The following DOCK4 variants were observed in gnomAD, a reference collection of about 807,000 sequenced individuals.
The protein encoded by DOCK4 is dedicator of cytokinesis 4, also known as dedicator of cytokinesis protein 4.
DOCK4 carries 97 observed loss-of-function variants against 268.1 expected under a neutral mutation model. The observed-to-expected ratio is 0.36, with a 90% CI of 0.31 to 0.43. The LOEUF (loss-of-function observed/expected upper bound fraction) is 0.43, where lower values mean the gene tolerates loss of function less well. Among genes scored for constraint, DOCK4 ranks in the 20% least tolerant of loss-of-function variants. The pLI, the probability that DOCK4 is intolerant of heterozygous loss-of-function variation, is 1.00. For synonymous variants in DOCK4, 954 were observed against 887.2 expected (o/e 1.08, Z -1.34); for missense variants, 2,145 against 2,455.7 (o/e 0.87, Z 2.67).
chr7:111,731,253 G>C (rs187532787), intron 52 of DOCK4, among the ~76,000 whole-genome samples: 3 of 152,062 alleles, frequency 2.0e-5, no homozygotes, highest in East Asian at 1.9e-4. Context: ...TCCATTTTGC[G>C]GGGGGAGGCG....
Position 111,940,044 on chromosome 7 carries a change from C to A in DOCK4, c.977+66G>T. 4 of 1,543,350 alleles carry A rather than the reference C, an allele frequency of 2.6e-6. No homozygotes were observed. The South Asian group carries it at 3.4e-5, about 13-fold the overall frequency. ...TTCTCTACCCACCTAAAGTAGCATT[C>A]GCCCAAGTAGGACCCACATGTACCC... is the stretch of plus-strand genomic sequence containing the variant. On this transcript the variant is annotated intron_variant, in intron 11 of 52. Coordinates refer to ENST00000428084, the MANE Select transcript of DOCK4 (RefSeq NM_001363540.2).
rs1193447340 is a variant in DOCK4, at chr7:111,844,817, G to A, written c.2682C>T (p.Thr894=). 1.2e-6 allele frequency: 2 copies of A among 1,613,648 alleles called. No individual in the cohort carries two copies. The highest frequency in any genetic ancestry group is 1.7e-6 in the Non-Finnish European group (2 of 1,179,728). ...CTGAGCTGGATGGCTGAGGTCGGCT[G>A]GTGATCTCCAATATGGTCCTCAGCA... ...DILLRTILEI[T]SRPQPSSSAM... The change falls in exon 25 of 53, where the codon ACC becomes ACT. Residue 894 remains threonine, a synonymous_variant. Transcript: ENST00000428084.
intron 1 of DOCK4, among the ~76,000 whole-genome samples, chr7:112,091,629 G>A (rs961287789): frequency 4.6e-5 from 7 of 152,084 alleles, no homozygotes; most frequent in African/African-American, 1.2e-4. Context: ...AGAAACGGAC[G>A]CAGAGCCCAA....
chr7:111,812,166 A>G (rs1045532366), intron 27 of DOCK4, among the ~76,000 whole-genome samples: 1 of 152,236 alleles, frequency 6.6e-6, no homozygotes, highest in African/African-American at 2.4e-5. Context: ...CTGATACACG[A>G]AAGATCTATG....
intron 30 of DOCK4, among the ~76,000 whole-genome samples, chr7:111,799,612 A>G (rs1028078026): frequency 4.6e-5 from 7 of 152,230 alleles, no homozygotes; most frequent in Non-Finnish European, 7.3e-5. Flanking sequence ...GAATGTCCTA[A>G]ACATAAATGT....
chr7:112,204,623 T>C (rs776327198), intron 1 of DOCK4, among the ~76,000 whole-genome samples: 7 of 152,136 alleles, frequency 4.6e-5, no homozygotes, highest in East Asian at 1.9e-4. Context: ...GGTCAAACTA[T>C]TGTCTTGGTA....
chr7:111,893,586 C>T (rs892989027), intron 16 of DOCK4, among the ~76,000 whole-genome samples: 6 of 152,198 alleles, frequency 3.9e-5, no homozygotes, highest in African/African-American at 1.4e-4. Flanking sequence ...TATTATATAT[C>T]TTATCGGGCA....
chr7:111,924,787 T>A (rs1397642039), intron 12 of DOCK4, among the ~76,000 whole-genome samples: 1 of 152,200 alleles, frequency 6.6e-6, no homozygotes, highest in African/African-American at 2.4e-5. Context: ...ATAATTTAAT[T>A]TAAAATCTAA....
rs1266091746 is a variant in DOCK4 at position 111,739,188 on chromosome 7, T to C, written c.5178A>G (p.Ser1726=). The change falls in exon 49 of 53, where the codon TCA becomes TCG. Residue 1726 remains serine, a synonymous_variant. Coordinates refer to ENST00000428084, the MANE Select transcript of DOCK4 (RefSeq NM_001363540.2). ...TGGCACTGCATGGTCTCTCTCTTGG[T>C]GACAGGCAAGAGTTTTCTCGGGAAT... ...HKHSRENSCL[S]PRERPCSAIY... The C allele has an allele frequency of 5.6e-6, 9 of 1,614,006 alleles. No homozygotes were observed. The highest frequency in any genetic ancestry group is 7.6e-6 in the Non-Finnish European group (9 of 1,179,878).
chr7:112,123,260 A>G (rs985730524), intron 1 of DOCK4, among the ~76,000 whole-genome samples: 1 of 152,170 alleles, frequency 6.6e-6, no homozygotes, highest in Non-Finnish European at 1.5e-5. Context: ...CAGATAAAGA[A>G]CTTTAACTTC....
At chr7:111,883,060 T>C (rs2134300290) in intron 16 of DOCK4, among the ~76,000 whole-genome samples, 1 of 152,312 alleles carries the variant, frequency 6.6e-6, no homozygotes, top group African/African-American at 2.4e-5. Flanking sequence ...CTTTTAATAT[T>C]ACAACTCCAA....
chr7:112,164,572 G>A (rs888239588), intron 1 of DOCK4, among the ~76,000 whole-genome samples: 9 of 152,060 alleles, frequency 5.9e-5, no homozygotes, highest in Admixed American at 2.0e-4. Flanking sequence ...ACACACACAC[G>A]ACTTTGTGTT....
At chr7:111,904,544 A>C (rs1321693066) in intron 13 of DOCK4, among the ~76,000 whole-genome samples, 5 of 152,100 alleles carry the variant, frequency 3.3e-5, no homozygotes, top group Non-Finnish European at 7.4e-5. Context: ...TAAGGTTCCA[A>C]AGGGCATTAG....
Position 112,170,871 on chromosome 7 carries a change from G to A in DOCK4, c.37+35231C>T, listed in dbSNP as rs567918802. On this transcript the variant is annotated intron_variant, in intron 1 of 52. Transcript: ENST00000428084. The stretch of plus-strand genomic sequence containing the variant: ...TACACTCAGAAGTAGTACCATATAT[G>A]ATAAAAAAAATTGCACTTTTAGTGC... Among the ~76,000 whole-genome samples the A allele has an allele frequency of 1.2e-3, 182 of 152,160 alleles. 4 individuals are homozygous for A. The Middle Eastern group carries it at 0.014, about 11-fold the overall frequency.
Position 111,728,063 on chromosome 7 carries a change from A to G in DOCK4, c.*211T>C. The G allele has an allele frequency of 2.4e-6, 1 of 412,750 alleles. No homozygotes were observed. The highest frequency in any genetic ancestry group is 4.2e-5 in the Admixed American group (1 of 23,628). The allele number at this position is 412,750 out of a possible 1,614,324, so 25.6% of individuals were successfully genotyped here. ...ACCACTTCCAAATGAGAAACGTTTT[A>G]ATGAAATTCAGCCATACTTCATTTA... is the stretch of plus-strand genomic sequence containing the variant. On this transcript the variant is annotated 3_prime_UTR_variant, in exon 53 of 53. Coordinates refer to ENST00000428084, the MANE Select transcript of DOCK4 (RefSeq NM_001363540.2).
intron 1 of DOCK4, among the ~76,000 whole-genome samples, chr7:112,179,088 C>T (rs1400074616): frequency 6.6e-6 from 1 of 152,148 alleles, no homozygotes; most frequent in Admixed American, 6.6e-5. Context: ...ATTTATTTCA[C>T]AGAAATAGAA....
intron 12 of DOCK4, 124 bp from the exon 13 acceptor site, chr7:111,916,028 C>T (rs953237032): frequency 2.2e-5 from 22 of 1,003,358 alleles, no homozygotes; most frequent in South Asian, 4.6e-5. Context: ...AATATTCCGA[C>T]GAAATCGACA....
intron 2 of DOCK4, among the ~76,000 whole-genome samples, chr7:112,001,607 A>G (rs1230041424): frequency 8.8e-6 from 1 of 113,840 alleles, no homozygotes; most frequent in African/African-American, 4.2e-5. Context: ...CTTGAATTTA[A>G]TAAGGAAAGA....
chr7:112,037,328 AG>A (rs1803896749), intron 1 of DOCK4, among the ~76,000 whole-genome samples: 1 of 152,190 alleles, frequency 6.6e-6, no homozygotes, highest in Non-Finnish European at 1.5e-5. Context: ...TGGGTTTGTC[AG>A]CCTGTAACTC....
Sources: allele counts gnomAD v4.1 joint callset (sites outside exome capture counted in the v4.1 genomes callset), GRCh38; gene constraint gnomAD v4.1.1; transcripts MANE v1.5; gene names NCBI Gene and HGNC (gene_info 2026-07-23, HGNC 2026-07-21).